The following PTPN3 variants were observed in gnomAD, a reference collection of about 807,000 sequenced individuals.
PTPN3 encodes the protein protein tyrosine phosphatase non-receptor type 3, also known as tyrosine-protein phosphatase non-receptor type 3.
In PTPN3, 96 loss-of-function variants were observed where a neutral mutation model predicts 132.7. The observed-to-expected ratio is 0.72, with a 90% CI of 0.61 to 0.86. The LOEUF (loss-of-function observed/expected upper bound fraction) is 0.86, where lower values mean the gene tolerates loss of function less well. Among genes scored for constraint, PTPN3 ranks in the 40% least tolerant of loss-of-function variants. The pLI, the probability that PTPN3 is intolerant of heterozygous loss-of-function variation, is 0.00. For synonymous variants in PTPN3, 398 were observed against 429.0 expected (o/e 0.93, Z 0.89); for missense variants, 1,125 against 1,159.6 (o/e 0.97, Z 0.43).
chr9:109,533,416 G>T, the PTPN3 span: 2 of 1,130,444 alleles, frequency 1.8e-6, no homozygotes, highest in East Asian at 5.1e-5. Context: ...AAAGTGCTGG[G>T]ATTACAGGCA....
the PTPN3 span, among the ~76,000 whole-genome samples, chr9:109,526,486 A>C: frequency 1.3e-5 from 2 of 152,084 alleles, no homozygotes; most frequent in African/African-American, 2.4e-5. Context: ...CAGCCTGGGC[A>C]ACAAAGTAGG....
intron 8 of PTPN3, 58 bp downstream of exon 8, chr9:109,438,056 T>C (rs532448173): frequency 1.4e-5 from 21 of 1,544,382 alleles, no homozygotes; most frequent in Non-Finnish European, 1.8e-5. Context: ...CAAAGGGATA[T>C]GATGTCTGAA....
chr9:109,462,507 T>G (rs550364469), intron 2 of PTPN3, among the ~76,000 whole-genome samples: 87 of 152,156 alleles, frequency 5.7e-4, no homozygotes, highest in Non-Finnish European at 1.1e-3. Context: ...ACTTTACAGG[T>G]TGGGGCAGAT....
chr9:109,497,052 C>A (rs1847701696), intron 1 of PTPN3, among the ~76,000 whole-genome samples: 1 of 152,158 alleles, frequency 6.6e-6, no homozygotes, highest in African/African-American at 2.4e-5. Flanking sequence ...CTGCCAACTT[C>A]TGGAGTTTCT....
intron 12 of PTPN3, among the ~76,000 whole-genome samples, chr9:109,423,505 C>A (rs1163071596): frequency 1.3e-5 from 2 of 152,158 alleles, no homozygotes; most frequent in African/African-American, 4.8e-5. Flanking sequence ...ACTTGGGAGG[C>A]TGAGGCATGA....
rs772609685 is a variant in PTPN3 at position 109,433,058 on chromosome 9, A to T, written c.764+15T>A. The T allele has an allele frequency of 1.2e-6, 2 of 1,612,578 alleles. No homozygotes were observed. Among genetic ancestry groups the T allele is most frequent in the Non-Finnish European group, 1.7e-6 (2 of 1,179,288 alleles). On this transcript the variant is annotated intron_variant, in intron 10 of 25. Coordinates refer to ENST00000374541, the MANE Select transcript of PTPN3 (RefSeq NM_002829.4). ...AAGCATGATTCAGAAAATAATGAGA[A>T]CTGTTTGCACTTACCAAGGATAGAA...
intron 6 of PTPN3, among the ~76,000 whole-genome samples, chr9:109,447,720 C>T (rs914689549): frequency 6.6e-6 from 1 of 152,174 alleles, no homozygotes; most frequent in Non-Finnish European, 1.5e-5. Flanking sequence ...GCTGTCCATT[C>T]CCTTCCATCC....
intron 7 of PTPN3, among the ~76,000 whole-genome samples, chr9:109,443,645 T>C (rs1435890539): frequency 6.6e-6 from 1 of 152,206 alleles, no homozygotes; most frequent in Non-Finnish European, 1.5e-5. Flanking sequence ...CTGATTGGCC[T>C]GGCAGACACA....
At chr9:109,491,539 A>T (rs544485469) in intron 1 of PTPN3, among the ~76,000 whole-genome samples, 21 of 152,324 alleles carry the variant, frequency 1.4e-4, no homozygotes, top group Admixed American at 5.2e-4. Context: ...AAACTTAGAA[A>T]AAGTTTTTTT....
chr9:109,494,685 T>C (rs1847605381), intron 1 of PTPN3, among the ~76,000 whole-genome samples: 1 of 152,136 alleles, frequency 6.6e-6, no homozygotes, highest in African/African-American at 2.4e-5. Flanking sequence ...CTCTTGCACC[T>C]AGCTTATCCT....
In PTPN3 at chr9:109,378,217, G is replaced by A. The variant is rs779170003; in HGVS notation, c.*1339C>T. The A allele has an allele frequency of 6.6e-6, 1 of 152,040 alleles. No homozygotes were observed. The highest frequency in any genetic ancestry group is 1.5e-5 in the Non-Finnish European group (1 of 68,020). 9.4% of individuals were successfully genotyped at this position (152,040 alleles called of 1,614,324 possible). A position where few individuals can be genotyped will look rare whatever the true frequency, so the allele number is the denominator to read the frequency against. On this transcript the variant is annotated 3_prime_UTR_variant, in exon 26 of 26. Transcript: ENST00000374541. ...TTCCTCTTCTGAGTACATAAAAACC[G>A]CTGTTCAAAAATACCACATTAAATG...
At chr9:109,382,502 C>A in intron 23 of PTPN3, 55 bp from the exon 24 acceptor site, 1 of 1,593,472 alleles carries the variant, frequency 6.3e-7, no homozygotes, top group South Asian at 1.1e-5. Context: ...GCATGAGGAC[C>A]CAGCCCCAAC....
intron 16 of PTPN3, among the ~76,000 whole-genome samples, chr9:109,409,183 GA>G (rs1221845406): frequency 3.3e-5 from 5 of 152,160 alleles, no homozygotes; most frequent in Non-Finnish European, 5.9e-5. Flanking sequence ...ACTAGTTACA[GA>G]AACAGATGGG....
intron 13 of PTPN3, among the ~76,000 whole-genome samples, chr9:109,421,265 G>A (rs1842875572): frequency 6.6e-6 from 1 of 152,100 alleles, no homozygotes; most frequent in Non-Finnish European, 1.5e-5. Flanking sequence ...ATGAGGCCGT[G>A]TTCTCAGGGC....
chr9:109,416,226 T>C, intron 14 of PTPN3, among the ~76,000 whole-genome samples: 1 of 152,064 alleles, frequency 6.6e-6, no homozygotes, highest in Non-Finnish European at 1.5e-5. Context: ...GCAGGAACCT[T>C]GATGCTGGGT....
intron 1 of PTPN3, among the ~76,000 whole-genome samples, chr9:109,466,172 T>C (rs182806811): frequency 3.3e-4 from 50 of 152,220 alleles, no homozygotes; most frequent in African/African-American, 9.9e-4. Context: ...CAAACCTAGG[T>C]CTGGTAGAGT....
At chr9:109,488,421 A>G (rs941589106) in intron 1 of PTPN3, among the ~76,000 whole-genome samples, 1 of 152,196 alleles carries the variant, frequency 6.6e-6, no homozygotes, top group African/African-American at 2.4e-5. Flanking sequence ...TTTAAGCAGT[A>G]AAATCTAATA....
intron 24 of PTPN3, 152 bp from the exon 25 acceptor site, chr9:109,381,939 T>C: frequency 1.1e-6 from 1 of 911,758 alleles, no homozygotes; most frequent in Non-Finnish European, 1.7e-6. Context: ...TCAAACAGGC[T>C]GAGACAGCCT....
chr9:109,528,440 G>C, the PTPN3 span, among the ~76,000 whole-genome samples: 2 of 152,180 alleles, frequency 1.3e-5, no homozygotes, highest in Non-Finnish European at 2.9e-5. Context: ...GAAGAGTACC[G>C]ATCTCATAGA....
Sources: gnomAD v4.1 joint callset for allele counts (sites outside exome capture counted in the v4.1 genomes callset) on GRCh38, gnomAD v4.1.1 for gene constraint, MANE v1.5 for transcripts, NCBI Gene and HGNC (gene_info 2026-07-23, HGNC 2026-07-21) for gene names.